The following GRIA3 variants were observed in gnomAD, a reference collection of about 807,000 sequenced individuals.
GRIA3 encodes glutamate ionotropic receptor AMPA type subunit 3, also known as glutamate receptor 3.
In GRIA3, 3 loss-of-function variants were observed where a neutral mutation model predicts 63.0. That is an observed-to-expected ratio of 0.05 (90% CI 0.02 to 0.12). The LOEUF (loss-of-function observed/expected upper bound fraction) is 0.12. GRIA3 is among the 10% of genes least tolerant of loss of function. The probability of loss-of-function intolerance (pLI) is 1.00; values close to 1 mark genes in which losing one functional copy is unlikely to be tolerated. For synonymous variants in GRIA3, 274 were observed against 257.9 expected (o/e 1.06, Z -0.60); for missense variants, 347 against 700.9 (o/e 0.50, Z 5.70).
chrX:123,391,603 G>A (rs1019114461), intron 5 of GRIA3, among the ~76,000 whole-genome samples: 3 of 111,587 alleles, frequency 2.7e-5, no homozygotes, highest in Non-Finnish European at 5.6e-5. Flanking sequence ...AGTGTTAGTG[G>A]GTCTAGTCAG....
intron 3 of GRIA3, among the ~76,000 whole-genome samples, chrX:123,312,185 TA>T (rs1368714625): frequency 4.5e-5 from 5 of 111,737 alleles, no homozygotes; most frequent in African/African-American, 1.6e-4. Context: ...GTAAAAACAT[TA>T]TACATCACAA....
chrX:123,445,698 A>T (rs777257540), intron 12 of GRIA3, among the ~76,000 whole-genome samples: 1 of 112,440 alleles, frequency 8.9e-6, no homozygotes, highest in Non-Finnish European at 1.9e-5. Context: ...ACAACTGATG[A>T]AAGCAATAAA....
chrX:123,285,423 G>T (rs983710212), intron 3 of GRIA3, among the ~76,000 whole-genome samples: 1 of 109,505 alleles, frequency 9.1e-6, no homozygotes, highest in African/African-American at 3.3e-5. Context: ...ATGTAAACAG[G>T]ATAAATGCCG....
chrX:123,361,126 T>G (rs999834196), intron 5 of GRIA3: 4 of 111,023 alleles, frequency 3.6e-5, no homozygotes, highest in Non-Finnish European at 7.5e-5. Flanking sequence ...GATCTCAGAA[T>G]GTACTTGAAA....
At chrX:123,361,357 T>A (rs2045173145) in intron 5 of GRIA3, 2 of 111,869 alleles carry the variant, frequency 1.8e-5, no homozygotes, top group African/African-American at 6.5e-5. Context: ...CCTCAGCAGA[T>A]GGCATGTAAA....
At chrX:123,195,823 A>T (rs1404168930) in intron 2 of GRIA3, among the ~76,000 whole-genome samples, 1 of 111,502 alleles carries the variant, frequency 9.0e-6, no homozygotes, top group Non-Finnish European at 1.9e-5. Context: ...CTCTATTTTG[A>T]CTTTCTTCTT....
chrX:123,223,301 T>C (rs1639167954), intron 2 of GRIA3, among the ~76,000 whole-genome samples: 1 of 112,871 alleles, frequency 8.9e-6, no homozygotes, highest in African/African-American at 3.2e-5. Context: ...AGGAGTTTTA[T>C]AAGGTATCAA....
At chrX:123,423,809 T>G (rs2045575963) in intron 11 of GRIA3, among the ~76,000 whole-genome samples, 1 of 112,209 alleles carries the variant, frequency 8.9e-6, no homozygotes, top group Non-Finnish European at 1.9e-5. Flanking sequence ...AAGATGAAGG[T>G]TATAGCACAT....
chrX:123,338,786 G>A (rs1358634624), intron 4 of GRIA3, among the ~76,000 whole-genome samples: 1 of 111,887 alleles, frequency 8.9e-6, no homozygotes, highest in Non-Finnish European at 1.9e-5. Flanking sequence ...TCCTGACCTC[G>A]TGATCCGCCT....
chrX:123,402,856 G>A lies in GRIA3; in HGVS notation c.1081-138G>A, dbSNP rs924119847. ...GGAAATGAAGATCTTGTATAGACTC[G>A]ATCTGGTGGATAGAGCTCAATGACT... is the stretch of plus-strand genomic sequence containing the variant. On this transcript the variant is annotated intron_variant, in intron 7 of 15. Coordinates refer to ENST00000620443, the MANE Select transcript of GRIA3 (RefSeq NM_007325.5). 8 of 436,988 alleles carry A rather than the reference G, an allele frequency of 1.8e-5. No individual in the cohort carries two copies. The Middle Eastern group carries it at 1.2e-3, about 65-fold the overall frequency. The allele number at this position is 436,988 out of a possible 1,213,427, so 36.0% of individuals were successfully genotyped here. A position where few individuals can be genotyped will look rare whatever the true frequency, so the allele number is the denominator to read the frequency against.
chrX:123,232,103 C>T (rs1441292912), intron 2 of GRIA3, among the ~76,000 whole-genome samples: 1 of 111,483 alleles, frequency 9.0e-6, no homozygotes, highest in Non-Finnish European at 1.9e-5. Flanking sequence ...AAAATAAGTC[C>T]TCACTTTCAA....
intron 5 of GRIA3, among the ~76,000 whole-genome samples, chrX:123,370,671 G>GTATTT (rs935247766): frequency 1.5e-4 from 17 of 110,541 alleles, no homozygotes; most frequent in South Asian, 7.7e-4. Flanking sequence ...TAGGAATAAT[G>GTATTT]TATTTTATTT....
intron 2 of GRIA3, among the ~76,000 whole-genome samples, chrX:123,210,031 T>G (rs766457656): frequency 2.7e-5 from 3 of 110,069 alleles, no homozygotes; most frequent in Non-Finnish European, 3.8e-5. Flanking sequence ...CTAGGAGGTG[T>G]TGTTGGTTTG....
At chrX:123,237,224 G>A (rs2044306439) in intron 2 of GRIA3, among the ~76,000 whole-genome samples, 1 of 112,063 alleles carries the variant, frequency 8.9e-6, no homozygotes, top group Non-Finnish European at 1.9e-5. Context: ...AAGACCACTA[G>A]TCTAGGGCAG....
chrX:123,482,766 C>T (rs2045918212), intron 14 of GRIA3, 33 bp from the exon 15 acceptor site: 2 of 1,206,350 alleles, frequency 1.7e-6, no homozygotes, highest in African/African-American at 3.5e-5. Context: ...TTTGTTTTCC[C>T]CAAGATCTAA....
chrX:123,324,918 G>A (rs1384583629), intron 3 of GRIA3, among the ~76,000 whole-genome samples: 1 of 111,720 alleles, frequency 9.0e-6, no homozygotes, highest in African/African-American at 3.3e-5. Context: ...ATGCTCAAAG[G>A]GCATCGCAAT....
At chrX:123,292,863 G>C (rs1479543429) in intron 3 of GRIA3, among the ~76,000 whole-genome samples, 1 of 110,899 alleles carries the variant, frequency 9.0e-6, no homozygotes, top group Non-Finnish European at 1.9e-5. Flanking sequence ...CATGCCCACA[G>C]ATTTCTTTTT....
intron 3 of GRIA3, among the ~76,000 whole-genome samples, chrX:123,282,830 A>C (rs6648997): frequency 0.37 from 41,430 of 111,548 alleles, 6,675 homozygotes; most frequent in African/African-American, 0.63. Context: ...CGCTTGTACC[A>C]GGGAGGTGGA....
rs775244641 is a variant in GRIA3 at position 123,259,910 on chromosome X, T to C, written c.508+6368T>C. Among the ~76,000 whole-genome samples, 13 of 111,630 alleles carry C rather than the reference T, an allele frequency of 1.2e-4. No homozygotes were observed. The East Asian group carries it at 3.7e-3, about 32-fold the overall frequency. ...AGCCATTCTTCAAAGACCAGGTACT[T>C]AGACCCTCCCTATCCTGGTTGTCTT... On this transcript the variant is annotated intron_variant, in intron 3 of 15. Transcript: ENST00000620443.
Sources: gnomAD v4.1 joint callset for allele counts (sites outside exome capture counted in the v4.1 genomes callset) on GRCh38, gnomAD v4.1.1 for gene constraint, MANE v1.5 for transcripts, NCBI Gene and HGNC (gene_info 2026-07-23, HGNC 2026-07-21) for gene names.